LOC400499: variants seen among roughly 807,000 people sequenced by gnomAD.
chr16:11,417,783 C>A, the LOC400499 span: 1 of 399,000 alleles, frequency 2.5e-6, no homozygotes, highest in African/African-American at 2.1e-5. Flanking sequence ...TGGGCCCCAT[C>A]AGGATGCGTC....
At chr16:11,388,393 T>C in the LOC400499 span, among the ~76,000 whole-genome samples, 1 of 152,172 alleles carries the variant, frequency 6.6e-6, no homozygotes, top group East Asian at 1.9e-4. Flanking sequence ...GTTTAGTCCC[T>C]ATTTTATGGC....
chr16:11,440,646 T>C, the LOC400499 span: 8 of 398,184 alleles, frequency 2.0e-5, no homozygotes, highest in Non-Finnish European at 3.5e-5. Context: ...TCCTCAGACA[T>C]CTCATACAGG....
chr16:11,379,381 C>CATCTT, the LOC400499 span, among the ~76,000 whole-genome samples: 1 of 152,200 alleles, frequency 6.6e-6, no homozygotes, highest in African/African-American at 2.4e-5. Context: ...ATAACTGTTA[C>CATCTT]ATCTTTTTGG....
chr16:11,455,146 T>A, the LOC400499 span, among the ~76,000 whole-genome samples: 12 of 151,876 alleles, frequency 7.9e-5, no homozygotes, highest in Non-Finnish European at 1.3e-4. Flanking sequence ...AAACAATAGG[T>A]CACCATGATA....
chr16:11,444,154 T>C, the LOC400499 span, among the ~76,000 whole-genome samples: 1 of 152,040 alleles, frequency 6.6e-6, no homozygotes, highest in Non-Finnish European at 1.5e-5. Flanking sequence ...TCCCAGCACT[T>C]TGGAAGGTGA....
chr16:11,416,830 G>A, the LOC400499 span, among the ~76,000 whole-genome samples: 644 of 152,258 alleles, frequency 4.2e-3, 5 homozygotes, highest in African/African-American at 0.015. Flanking sequence ...CAAGCCTGGC[G>A]TGTTGAAGAA....
the LOC400499 span, among the ~76,000 whole-genome samples, chr16:11,392,989 GA>G: frequency 7.2e-5 from 11 of 152,154 alleles, no homozygotes; most frequent in Admixed American, 3.3e-4. Flanking sequence ...GAGTAGCTGG[GA>G]ACTACAGGCA....
At chr16:11,388,858 G>C in the LOC400499 span, among the ~76,000 whole-genome samples, 1 of 152,166 alleles carries the variant, frequency 6.6e-6, no homozygotes, top group Non-Finnish European at 1.5e-5. Flanking sequence ...CACTTTGAGA[G>C]GCCAAGTTGC....
the LOC400499 span, among the ~76,000 whole-genome samples, chr16:11,422,376 G>A: frequency 6.6e-6 from 1 of 152,106 alleles, no homozygotes; most frequent in African/African-American, 2.4e-5. Flanking sequence ...CTCAAGCCTG[G>A]GCAACTGAGC....
At chr16:11,479,521 G>T in the LOC400499 span, among the ~76,000 whole-genome samples, 1 of 151,878 alleles carries the variant, frequency 6.6e-6, no homozygotes. Context: ...TACTTGGGAA[G>T]CTGAGGTGGG....
At chr16:11,443,295 G>C in the LOC400499 span, 3 of 350,714 alleles carry the variant, frequency 8.6e-6, no homozygotes, top group East Asian at 1.9e-4. Flanking sequence ...CTGCACCCTA[G>C]CCTGGGCAAC....
chr16:11,401,866 G>C, the LOC400499 span, among the ~76,000 whole-genome samples: 1 of 152,194 alleles, frequency 6.6e-6, no homozygotes. Context: ...TGGGGACCCA[G>C]GTCTCCTGCT....
At chr16:11,497,992 G>A in the LOC400499 span, among the ~76,000 whole-genome samples, 1 of 152,132 alleles carries the variant, frequency 6.6e-6, no homozygotes, top group Non-Finnish European at 1.5e-5. Context: ...CCCTTATTAA[G>A]CTGATTTCAC....
chr16:11,396,433 G>C, the LOC400499 span: 3 of 1,207,442 alleles, frequency 2.5e-6, no homozygotes, highest in African/African-American at 1.6e-5. Flanking sequence ...GCAGTTGGGG[G>C]CCTGCTGGCC....
the LOC400499 span, among the ~76,000 whole-genome samples, chr16:11,506,784 G>A: frequency 6.6e-6 from 1 of 152,166 alleles, no homozygotes; most frequent in Non-Finnish European, 1.5e-5. Flanking sequence ...CTTGTCTCCT[G>A]CCCACCATCA....
At chr16:11,518,582 C>T in the LOC400499 span, among the ~76,000 whole-genome samples, 1 of 152,072 alleles carries the variant, frequency 6.6e-6, no homozygotes, top group Non-Finnish European at 1.5e-5. Context: ...CTGGGGGTCA[C>T]AGGCAGAACT....
chr16:11,420,450 G>T, the LOC400499 span, among the ~76,000 whole-genome samples: 1 of 129,982 alleles, frequency 7.7e-6, no homozygotes, highest in Non-Finnish European at 1.6e-5. Context: ...GTTGTGGGGT[G>T]GGGGGAGGGG....
the LOC400499 span, among the ~76,000 whole-genome samples, chr16:11,379,691 G>T: frequency 3.3e-5 from 5 of 152,210 alleles, no homozygotes; most frequent in African/African-American, 1.2e-4. Context: ...GGACTTCCTG[G>T]TGCCACGCTG....
the LOC400499 span, among the ~76,000 whole-genome samples, chr16:11,521,691 C>T: frequency 1.3e-5 from 2 of 152,114 alleles, no homozygotes; most frequent in Non-Finnish European, 2.9e-5. Flanking sequence ...TCTCACTCCA[C>T]GAACTCCCCC....
Sources: allele counts gnomAD v4.1 joint callset (sites outside exome capture counted in the v4.1 genomes callset), GRCh38; gene constraint gnomAD v4.1.1; transcripts MANE v1.5.